The following HMCN1 variants were observed in gnomAD, a reference collection of about 807,000 sequenced individuals.
The protein encoded by HMCN1 is hemicentin-1.
Under a neutral mutation model 625.9 loss-of-function variants are expected in HMCN1, and 321 were observed. The observed-to-expected ratio is 0.51, with a 90% CI of 0.47 to 0.56. The LOEUF (loss-of-function observed/expected upper bound fraction) is 0.56, where lower values mean the gene tolerates loss of function less well. Among genes scored for constraint, HMCN1 ranks in the 20% least tolerant of loss-of-function variants. The probability of loss-of-function intolerance (pLI) is 0.00; values close to 1 mark genes in which losing one functional copy is unlikely to be tolerated. For missense variants in HMCN1, 6,588 were observed against 6,887.3 expected, an observed-to-expected ratio of 0.96 and a Z score of 1.54; for synonymous variants, 2,425 against 2,417.6, an observed-to-expected ratio of 1.00 and a Z score of -0.09.
At chr1:186,050,202 T>A (rs1656856522) in intron 42 of HMCN1, among the ~76,000 whole-genome samples, 1 of 151,836 alleles carries the variant, frequency 6.6e-6, no homozygotes, top group African/African-American at 2.4e-5. Context: ...TTAGGAGTGA[T>A]GATCAATTAG....
At chr1:186,007,878 A>T (rs920741384) in intron 30 of HMCN1, among the ~76,000 whole-genome samples, 5 of 152,128 alleles carry the variant, frequency 3.3e-5, no homozygotes, top group African/African-American at 1.2e-4. Flanking sequence ...CATGAATATT[A>T]TGTTTCCAGC....
In HMCN1 at chr1:186,190,485, A is replaced by G. The variant is rs1233987777; in HGVS notation, c.*607A>G. The G allele has an allele frequency of 1.0e-5, 2 of 200,812 alleles. No individual in the cohort carries two copies. The highest frequency in any genetic ancestry group is 7.6e-5 in the East Asian group (1 of 13,112). The allele number at this position is 200,812 out of a possible 1,614,324, so 12.4% of individuals were successfully genotyped here. On this transcript the variant is annotated 3_prime_UTR_variant, in exon 107 of 107. Transcript: ENST00000271588. ...CTTATCTTGATTGAACATTCAGAAC[A>G]AGGATATTATTTTCAGTGATTTTGT... is the stretch of plus-strand genomic sequence containing the variant.
rs188408556 is a variant in HMCN1 at position 185,997,461 on chromosome 1, T to C, written c.3811T>C (p.Tyr1271His). 1.4e-5 allele frequency: 23 copies of C among 1,612,616 alleles called. No homozygotes were observed. Among genetic ancestry groups the C allele is most frequent in the Admixed American group, 1.0e-4 (6 of 59,912 alleles). Residue 1271 changes from tyrosine (Y) to histidine (H), a missense_variant, in exon 25 of 107, where the codon TAT becomes CAT. Physicochemically the swap from Tyr to His is moderately conservative, Grantham distance 83 (BLOSUM62 2). Around this residue, in one of 3 missense-constraint regions of HMCN1, gnomAD observed 4,628 missense variants for 4,853.1 expected, o/e 0.95. Coordinates refer to ENST00000271588, the MANE Select transcript of HMCN1 (RefSeq NM_031935.3). Reference protein sequence around the residue: ...PPTVEDLEPPYNTTFQERVAN... With the variant: ...PPTVEDLEPPHNTTFQERVAN... The stretch of plus-strand genomic sequence containing the variant: ...CACAGTGGAAGATCTAGAACCTCCA[T>C]ATAACACTACTTTCCAAGAAAGAGT...
intron 2 of HMCN1, among the ~76,000 whole-genome samples, chr1:185,852,451 G>A (rs1004015566): frequency 1.3e-5 from 2 of 151,858 alleles, no homozygotes; most frequent in Non-Finnish European, 2.9e-5. Flanking sequence ...CATGGACATA[G>A]ATATAATGTA....
At chr1:185,894,918 T>C (rs1438892746) in intron 4 of HMCN1, among the ~76,000 whole-genome samples, 1 of 152,212 alleles carries the variant, frequency 6.6e-6, no homozygotes. Flanking sequence ...AATATCTTTC[T>C]GTTGATATTT....
At position 185,749,274 on chromosome 1, in the gene HMCN1, A is replaced by G. The variant is rs568637502; in HGVS notation, c.268+14227A>G. ...AATGTTAGTTTAATTGTGCTTGGAA[A>G]AGTCTATTACAAGGGTAGAGTTAGT... On this transcript the variant is annotated intron_variant, in intron 1 of 106. Transcript: ENST00000271588. Among the ~76,000 whole-genome samples the G allele has an allele frequency of 3.9e-5, 6 of 152,344 alleles. No individual in the cohort carries two copies. The East Asian group carries it at 1.2e-3, about 29-fold the overall frequency.
At chr1:185,977,226 A>G (rs1406315646) in intron 15 of HMCN1, among the ~76,000 whole-genome samples, 1 of 152,106 alleles carries the variant, frequency 6.6e-6, no homozygotes, top group African/African-American at 2.4e-5. Flanking sequence ...ATTTATTCTA[A>G]TATTTAAATT....
rs1399651148 is a variant in HMCN1, at chr1:186,114,862, CAT to C, written c.11321_11322del (p.His3774ArgfsTer3). 2.5e-6 allele frequency: 4 copies of C among 1,613,910 alleles called. No homozygotes were observed. Among genetic ancestry groups the C allele is most frequent in the Admixed American group, 1.7e-5 (1 of 60,010 alleles). ...TGGATTCCTTCATATTCAATCAGCA[CAT>C]GTCACTGACACTGGACGGTATTTGT... ...ENGFLHIQSA[H>X]VTDTGRYLCM... On this transcript the variant is annotated frameshift_variant, in exon 74 of 107. Transcript: ENST00000271588. LOFTEE classifies it high-confidence loss of function.
chr1:186,119,764 C>T lies in HMCN1; in HGVS notation c.11976C>T (p.Pro3992=), dbSNP rs935851812. Residue 3992 remains proline, a synonymous_variant, in exon 79 of 107, where the codon CCC becomes CCT. Transcript: ENST00000271588. ...LHVHEPPVIQ[P]QPSELHVILN... ...TTATAGAGCCTCCAGTCATTCAGCC[C>T]CAACCAAGTGAACTACACGTCATTC... is the stretch of plus-strand genomic sequence containing the variant. The T allele has an allele frequency of 6.2e-7, 1 of 1,613,946 alleles. No homozygotes were observed. Among genetic ancestry groups the T allele is most frequent in the African/African-American group, 1.3e-5 (1 of 74,996 alleles).
intron 104 of HMCN1, among the ~76,000 whole-genome samples, chr1:186,179,754 C>T (rs904441688): frequency 1.4e-5 from 2 of 144,344 alleles, no homozygotes; most frequent in East Asian, 3.9e-4. Flanking sequence ...TCTTCTCCTT[C>T]TATCTTCAAT....
At chr1:185,978,213 A>C in intron 16 of HMCN1, 1 of 463,690 alleles carries the variant, frequency 2.2e-6, no homozygotes, top group South Asian at 2.7e-5. Context: ...TTATGAAACA[A>C]TATGACTTCT....
At chr1:186,136,147 G>A (rs1299227173) in intron 86 of HMCN1, among the ~76,000 whole-genome samples, 1 of 150,470 alleles carries the variant, frequency 6.6e-6, no homozygotes, top group East Asian at 2.0e-4. Flanking sequence ...TTGCACTCCA[G>A]CCTGGGTGAC....
chr1:185,778,014 T>C (rs1209083309), intron 1 of HMCN1, among the ~76,000 whole-genome samples: 1 of 152,228 alleles, frequency 6.6e-6, no homozygotes, highest in East Asian at 1.9e-4. Flanking sequence ...CTAAAGGCCA[T>C]TGAAAACAAA....
intron 81 of HMCN1, among the ~76,000 whole-genome samples, chr1:186,124,100 CCTT>C (rs1490020834): frequency 2.6e-5 from 4 of 152,144 alleles, no homozygotes; most frequent in Admixed American, 6.5e-5. Context: ...AAATAATACT[CCTT>C]CTTCTCAAAT....
At chr1:186,024,744 A>G (rs1654950879) in intron 36 of HMCN1, among the ~76,000 whole-genome samples, 1 of 152,124 alleles carries the variant, frequency 6.6e-6, no homozygotes, top group South Asian at 2.1e-4. Flanking sequence ...AACTTTGCTA[A>G]CTTCTACTTC....
At chr1:186,015,841 G>A (rs1475802784) in intron 31 of HMCN1, 117 bp from the exon 32 acceptor site, 1 of 914,894 alleles carries the variant, frequency 1.1e-6, no homozygotes, top group Non-Finnish European at 1.8e-6. Context: ...CAGGCATATA[G>A]GTAGATTTTA....
In HMCN1 at chr1:185,970,346, T is replaced by A; in HGVS notation, c.2224T>A (p.Leu742Met). 6.2e-7 allele frequency: 1 copy of A among 1,613,578 alleles called. No individual in the cohort carries two copies. Among genetic ancestry groups the A allele is most frequent in the Non-Finnish European group, 8.5e-7 (1 of 1,179,506 alleles). Residue 742 changes from leucine to methionine, a missense_variant, in exon 15 of 107, where the codon TTG (leucine) becomes ATG (methionine). This residue lies in a region of HMCN1 where 4,628 missense variants were observed against 4,853.1 expected (regional missense o/e 0.95). Coordinates refer to ENST00000271588, the MANE Select transcript of HMCN1 (RefSeq NM_031935.3). ...TTGTTTTGACTTAGGAGATCTTGAGTTGAGGCCCTCAACATTCCTCATTAT... is the reference window on the plus strand; with the variant it reads ...TTGTTTTGACTTAGGAGATCTTGAGATGAGGCCCTCAACATTCCTCATTAT... ...QVKWFKGDLELRPSTFLIIDP... is the reference protein window; with the variant it reads ...QVKWFKGDLEMRPSTFLIIDP...
intron 4 of HMCN1, among the ~76,000 whole-genome samples, chr1:185,877,260 C>A (rs1664001132): frequency 7.0e-6 from 1 of 143,732 alleles, no homozygotes; most frequent in Non-Finnish European, 1.5e-5. Context: ...GATCAGTTGG[C>A]TGGGAGTATG....
intron 18 of HMCN1, 42 bp downstream of exon 18, chr1:185,982,431 GTTTTC>G (rs776385966): frequency 1.0e-5 from 16 of 1,526,418 alleles, no homozygotes; most frequent in South Asian, 2.3e-5. Flanking sequence ...TCTTTTGTGA[GTTTTC>G]TTTTCTTTTT....
Sources: gnomAD v4.1 joint callset for allele counts (sites outside exome capture counted in the v4.1 genomes callset) on GRCh38, gnomAD v4.1.1 for gene constraint, gnomAD v4.1.1 regional missense constraint, MANE v1.5 for transcripts, NCBI Gene and HGNC (gene_info 2026-07-23, HGNC 2026-07-21) for gene names.